MYSM1: variants seen among roughly 807,000 people sequenced by gnomAD.
MYSM1 encodes the protein Myb like, SWIRM and MPN domains 1, also known as deubiquitinase MYSM1.
MYSM1 carries 51 observed loss-of-function variants against 116.0 expected under a neutral mutation model. That is an observed-to-expected ratio of 0.44 (90% CI 0.35 to 0.56). The LOEUF (loss-of-function observed/expected upper bound fraction) is 0.56, where lower values mean the gene tolerates loss of function less well. MYSM1 is among the 20% of genes least tolerant of loss of function. The pLI is 0.00. For missense variants in MYSM1, 900 were observed against 974.9 expected (o/e 0.92, Z 1.02); for synonymous variants, 313 against 315.2 (o/e 0.99, Z 0.07).
At chr1:58,699,439 G>T (rs527239901) in intron 1 of MYSM1, among the ~76,000 whole-genome samples, 43 of 152,206 alleles carry the variant, frequency 2.8e-4, no homozygotes, top group Non-Finnish European at 5.4e-4. Context: ...AGGTCACATT[G>T]CTATTAACTG....
intron 5 of MYSM1, chr1:58,689,538 T>C (rs1644874071): frequency 6.5e-6 from 1 of 153,534 alleles, no homozygotes; most frequent in Admixed American, 6.5e-5. Flanking sequence ...CATGTAAATA[T>C]TTAGAAAAGA....
intron 7 of MYSM1, among the ~76,000 whole-genome samples, chr1:58,684,384 T>C (rs1644794540): frequency 6.6e-6 from 1 of 151,720 alleles, no homozygotes; most frequent in African/African-American, 2.4e-5. Flanking sequence ...GCTGACACGG[T>C]GAAACCCCGT....
Position 58,682,376 on chromosome 1 carries a change from ACTT to A in MYSM1, c.665_667del (p.Glu222del), listed in dbSNP as rs762364885. ...CTCGTCCACCTCATCTGTGATGTCT[ACTT>A]CTTCATCATCAGATAACTTTTCAAT... On this transcript the variant is annotated inframe_deletion, in exon 8 of 20. Transcript: ENST00000472487. The A allele has an allele frequency of 8.0e-5, 129 of 1,614,154 alleles. 1 individual carries two copies. Among genetic ancestry groups the A allele is most frequent in the East Asian group, 2.2e-5 (1 of 44,868 alleles).
At chr1:58,680,026 CAAAAAAAAAAAAA>C (rs6143231) in intron 8 of MYSM1, among the ~76,000 whole-genome samples, 2 of 126,896 alleles carry the variant, frequency 1.6e-5, no homozygotes, top group Admixed American at 7.9e-5. Context: ...GACTCTGTCT[CAAAAAAAAAAAAA>C]AAAAAAAAAA....
Position 58,681,742 on chromosome 1 carries a change from T to A in MYSM1, c.1259+43A>T, listed in dbSNP as rs1307387081. 5 of 1,505,762 alleles carry A rather than the reference T, an allele frequency of 3.3e-6. No homozygotes were observed. The African/African-American group carries it at 7.0e-5, about 21-fold the overall frequency. The allele number at this position is 1,505,762 out of a possible 1,614,324, so 93.3% of individuals were successfully genotyped here. A position where few individuals can be genotyped will look rare whatever the true frequency, so the allele number is the denominator to read the frequency against. ...TAGGCCTAATTAAAATACTTCAGAA[T>A]ATCACGTTTTAAAACAACATCTATA... On this transcript the variant is annotated intron_variant, in intron 8 of 19. Coordinates refer to ENST00000472487, the MANE Select transcript of MYSM1 (RefSeq NM_001085487.3).
chr1:58,671,962 A>G lies in MYSM1; in HGVS notation c.1573-4T>C, dbSNP rs2100616983. The G allele has an allele frequency of 1.9e-6, 3 of 1,611,550 alleles. No individual in the cohort carries two copies. The highest frequency in any genetic ancestry group is 2.5e-6 in the Non-Finnish European group (3 of 1,178,690). On this transcript the variant is annotated splice_polypyrimidine_tract_variant and splice_region_variant and intron_variant, in intron 11 of 19. Transcript: ENST00000472487. ...CCAACTCCTCAGCAGAGAGATGCTA[A>G]AACAAAATGCCAATTGATTAAGGAG...
At chr1:58,668,828 A>C (rs1644511901) in intron 13 of MYSM1, 146 bp from the exon 14 acceptor site, 8 of 1,001,562 alleles carry the variant, frequency 8.0e-6, no homozygotes, top group Non-Finnish European at 1.2e-5. Context: ...TAGACTTTTA[A>C]AACATTATGA....
intron 1 of MYSM1, among the ~76,000 whole-genome samples, chr1:58,697,954 T>C (rs1191927100): frequency 6.6e-6 from 1 of 150,712 alleles, no homozygotes; most frequent in Non-Finnish European, 1.5e-5. Context: ...CTTAAAAGTG[T>C]CTATTAAATT....
chr1:58,661,500 T>C lies in MYSM1; in HGVS notation c.2176A>G (p.Lys726Glu). The stretch of plus-strand genomic sequence containing the variant: ...TCTAACATCTGCTGTACTTCAAATT[T>C]GTAAGGTAAGCCTAGAAAAGCATAA... ...SPDGSYRLPY[K>E]FEVQQMLEEP... The change falls in exon 18 of 20, where the codon AAA becomes GAA. Residue 726 changes from lysine to glutamate, a missense_variant. Around this residue, in one of 3 missense-constraint regions of MYSM1, gnomAD observed 186 missense variants for 196.2 expected, o/e 0.95. Transcript: ENST00000472487. The C allele has an allele frequency of 6.3e-7, 1 of 1,596,794 alleles. No individual in the cohort carries two copies.
chr1:58,671,228 T>C (rs904578581), intron 12 of MYSM1, among the ~76,000 whole-genome samples: 2 of 152,168 alleles, frequency 1.3e-5, no homozygotes, highest in African/African-American at 4.8e-5. Flanking sequence ...AGGGTTGTCA[T>C]GAAGACTATA....
intron 3 of MYSM1, among the ~76,000 whole-genome samples, chr1:58,691,276 T>A (rs1250534787): frequency 6.7e-6 from 1 of 149,112 alleles, no homozygotes; most frequent in Non-Finnish European, 1.5e-5. Flanking sequence ...CGAGACTCCG[T>A]CTCAAAAAAA....
chr1:58,667,023 A>G lies in MYSM1; in HGVS notation c.2031+15T>C. On this transcript the variant is annotated intron_variant, in intron 16 of 19. Coordinates refer to ENST00000472487, the MANE Select transcript of MYSM1 (RefSeq NM_001085487.3). ...GTGTGCAACCATTTACAGAATATAAATATACATGTAATACCTGGTATTTAG... is the reference window on the plus strand; with the variant it reads ...GTGTGCAACCATTTACAGAATATAAGTATACATGTAATACCTGGTATTTAG... 6.5e-7 allele frequency: 1 copy of G among 1,550,050 alleles called. No homozygotes were observed. The highest frequency in any genetic ancestry group is 1.2e-5 in the South Asian group (1 of 85,226).
At chr1:58,683,811 T>C (rs1355307470) in intron 7 of MYSM1, among the ~76,000 whole-genome samples, 1 of 152,056 alleles carries the variant, frequency 6.6e-6, no homozygotes, top group African/African-American at 2.4e-5. Context: ...TGAAACAGCT[T>C]TTAACATCCC....
chr1:58,668,405 T>C (rs1644506322), intron 14 of MYSM1: 1 of 1,274,580 alleles, frequency 7.8e-7, no homozygotes, highest in Non-Finnish European at 9.9e-7. Context: ...GGGTTAATGA[T>C]GGTAAACAGT....
rs2100582765 is a variant in MYSM1 at position 58,660,093 on chromosome 1, G to T, written c.2391C>A (p.Phe797Leu). The change falls in exon 20 of 20, where the codon TTC becomes TTA. Residue 797 changes from phenylalanine (F) to leucine (L), a missense_variant. By Grantham distance (22) the Phe-to-Leu change is conservative (BLOSUM62 0). Transcript: ENST00000472487. ...KVTNCFMAEE[F>L]LTEIENLFLS... ...GGAACAAATTTTCTATTTCAGTCAAGAATTCTTCAGCCATAAAGCAATTGG... is the reference window on the plus strand; with the variant it reads ...GGAACAAATTTTCTATTTCAGTCAATAATTCTTCAGCCATAAAGCAATTGG... The T allele has an allele frequency of 6.2e-7, 1 of 1,610,920 alleles. No individual in the cohort carries two copies. The highest frequency in any genetic ancestry group is 1.7e-5 in the Admixed American group (1 of 59,692).
chr1:58,675,503 G>T lies in MYSM1; in HGVS notation c.1468C>A (p.Gln490Lys), dbSNP rs779502244. 5 of 1,612,460 alleles carry T rather than the reference G, an allele frequency of 3.1e-6. No individual in the cohort carries two copies. Among genetic ancestry groups the T allele is most frequent in the Non-Finnish European group, 4.2e-6 (5 of 1,179,144 alleles). Residue 490 changes from glutamine to lysine, a missense_variant, in exon 10 of 20, where the codon CAA becomes AAA. Around this residue, in one of 3 missense-constraint regions of MYSM1, gnomAD observed 622 missense variants for 623.7 expected, o/e 1.00. Transcript: ENST00000472487. ...ATAGACTGCAGACGCTGGGCAAGTT[G>T]GTATGCTTCTACTGCATCTTTTCTG... ...RDRKDAVEAY[Q>K]LAQRLQSMRT... is the part of the protein sequence containing the mutation.
intron 17 of MYSM1, among the ~76,000 whole-genome samples, chr1:58,663,270 T>C (rs1234660905): frequency 6.6e-6 from 1 of 152,096 alleles, no homozygotes; most frequent in Non-Finnish European, 1.5e-5. Flanking sequence ...ACAGGTCTAT[T>C]TGGTATTTTT....
intron 10 of MYSM1, 90 bp downstream of exon 10, chr1:58,675,387 T>A: frequency 2.3e-6 from 2 of 874,870 alleles, no homozygotes; most frequent in Non-Finnish European, 3.6e-6. Context: ...TAAATGGTCA[T>A]TTATTAAACA....
At chr1:58,698,102 A>ATATATTTTTTTTTTTTTTTTTT in intron 1 of MYSM1, among the ~76,000 whole-genome samples, 1 of 7,774 alleles carries the variant, frequency 1.3e-4, no homozygotes, top group Non-Finnish European at 3.6e-4. Flanking sequence ...ATATATATAT[A>ATATATTTTTTTTTTTTTTTTTT]TTTTTTTTTT....
Sources: allele counts gnomAD v4.1 joint callset (sites outside exome capture counted in the v4.1 genomes callset), GRCh38; gene constraint gnomAD v4.1.1; regional missense constraint gnomAD v4.1.1; transcripts MANE v1.5; gene names NCBI Gene and HGNC (gene_info 2026-07-23, HGNC 2026-07-21).